Variants in SV2A observed in about 807,000 individuals in gnomAD.
SV2A encodes solute carrier family 22 member B1.
In SV2A, 25 loss-of-function variants were observed where a neutral mutation model predicts 78.0. That is an observed-to-expected ratio of 0.32 (90% CI 0.23 to 0.45). The LOEUF (loss-of-function observed/expected upper bound fraction) is 0.45, where lower values mean the gene tolerates loss of function less well. SV2A is among the 20% of genes least tolerant of loss of function. The pLI is 1.00. For synonymous variants in SV2A, 355 were observed against 384.7 expected, an observed-to-expected ratio of 0.92 and a Z score of 0.90; for missense variants, 752 against 971.5, an observed-to-expected ratio of 0.77 and a Z score of 3.00.
chr1:149,905,271 A>C (rs2092429935), intron 12 of SV2A, 74 bp from the exon 13 acceptor site: 2 of 1,395,942 alleles, frequency 1.4e-6, no homozygotes, highest in Non-Finnish European at 2.0e-6. Flanking sequence ...AGGGCAGGGA[A>C]GTGAAGTCCA....
chr1:149,909,109 T>C (rs1553763265), intron 8 of SV2A, 83 bp downstream of exon 8: 1 of 1,369,788 alleles, frequency 7.3e-7, no homozygotes, highest in East Asian at 2.3e-5. Flanking sequence ...GCTTGTCCCC[T>C]GCATCTCCAT....
In SV2A at chr1:149,910,516, T is replaced by G. The variant is rs1370569398; in HGVS notation, c.1089+54A>C. The G allele has an allele frequency of 1.3e-6, 2 of 1,513,082 alleles. No individual in the cohort carries two copies. The highest frequency in any genetic ancestry group is 1.4e-5 in the African/African-American group (1 of 71,654). The allele number at this position is 1,513,082 out of a possible 1,614,324, so 93.7% of individuals were successfully genotyped here. A position where few individuals can be genotyped will look rare whatever the true frequency, so the allele number is the denominator to read the frequency against. Reference sequence around the variant, plus strand: ...TTGAACACAGAAGCCCCTGCTGCCGTCCACACTCCACAGCCCGCACCCCAC... The same window carrying G: ...TTGAACACAGAAGCCCCTGCTGCCGGCCACACTCCACAGCCCGCACCCCAC... On this transcript the variant is annotated intron_variant, in intron 5 of 12. Transcript: ENST00000369146. This position sits in a 1 kb window ranked among gnomAD's most constrained non-coding sequence, Gnocchi z 4.2.
rs782279997 is a variant in SV2A at position 149,913,468 on chromosome 1, C to T, written c.373G>A (p.Gly125Ser). 10 of 1,613,388 alleles carry T rather than the reference C, an allele frequency of 6.2e-6. No homozygotes were observed. Among genetic ancestry groups the T allele is most frequent in the Non-Finnish European group, 8.5e-6 (10 of 1,179,800 alleles). ...GGGGGACCCTCCCCATCACTCAAGC[C>T]CCCCCTTACTCCAGCCAGGGGCGCC... ...DGAPLAGVRG[G>S]LSDGEGPPGG... Residue 125 changes from glycine (G) to serine (S), a missense_variant, in exon 2 of 13, where the codon GGC (glycine) becomes AGC (serine). Coordinates refer to ENST00000369146, the MANE Select transcript of SV2A (RefSeq NM_014849.5).
intron 8 of SV2A, among the ~76,000 whole-genome samples, chr1:149,908,508 C>T (rs1433100953): frequency 6.6e-6 from 1 of 152,164 alleles, no homozygotes; most frequent in Non-Finnish European, 1.5e-5. Flanking sequence ...CCAGCCACCC[C>T]CACTCCACCT....
In SV2A at chr1:149,910,812, C is replaced by T. The variant is rs201033977; in HGVS notation, c.955+14G>A. The stretch of plus-strand genomic sequence containing the variant: ...AGGGAGATAACCTGGGGTGGATTTC[C>T]GGGGGCTGCTCACCATAGTGGGGGA... On this transcript the variant is annotated intron_variant, in intron 4 of 12. Coordinates refer to ENST00000369146, the MANE Select transcript of SV2A (RefSeq NM_014849.5). This position sits in a 1 kb window ranked among gnomAD's most constrained non-coding sequence, Gnocchi z 4.2. The T allele has an allele frequency of 1.1e-4, 170 of 1,612,902 alleles. 2 individuals carry two copies. The East Asian group carries it at 3.5e-3, about 33-fold the overall frequency.
Position 149,906,020 on chromosome 1 carries a change from G to T in SV2A, c.1905C>A (p.Ser635=). 1 of 1,614,172 alleles carries T rather than the reference G, an allele frequency of 6.2e-7. No homozygotes were observed. The highest frequency in any genetic ancestry group is 1.1e-5 in the South Asian group (1 of 91,082). Reference sequence around the variant, plus strand: ...AAGACAGGAAGAAGCAGGAGACACAGGACATCACGCTGGAGCCAGCTGGAG... The same window carrying T: ...AAGACAGGAAGAAGCAGGAGACACATGACATCACGCTGGAGCCAGCTGGAG... The part of the protein sequence containing the change: ...LRMLAGSSVM[S]CVSCFFLSFG... Residue 635 remains serine, a synonymous_variant, in exon 12 of 13, where the codon TCC becomes TCA. Transcript: ENST00000369146.
At chr1:149,911,701 G>A (rs1553763790) in intron 3 of SV2A, 99 bp downstream of exon 3, 1 of 1,209,886 alleles carries the variant, frequency 8.3e-7, no homozygotes, top group Non-Finnish European at 1.2e-6. Flanking sequence ...ACAGATTTAA[G>A]GTGCATTTGG....
intron 2 of SV2A, 99 bp downstream of exon 2, chr1:149,913,120 G>C: frequency 1.4e-6 from 2 of 1,464,930 alleles, no homozygotes; most frequent in Admixed American, 2.1e-5. Flanking sequence ...CTTGGGTGCA[G>C]GGTCCTAGGG....
chr1:149,911,658 G>A, intron 3 of SV2A, 142 bp downstream of exon 3: 4 of 863,846 alleles, frequency 4.6e-6, no homozygotes, highest in Non-Finnish European at 5.3e-6. Flanking sequence ...GATGGCTGGG[G>A]GAGAAAGGAA....
Position 149,909,866 on chromosome 1 carries a change from T to C in SV2A, c.1114A>G (p.Met372Val), listed in dbSNP as rs1553763444. The change falls in exon 6 of 13, where the codon ATG becomes GTG. Residue 372 changes from methionine (M) to valine (V), a missense_variant. Physicochemically the swap from Met to Val is conservative, Grantham distance 21. Transcript: ENST00000369146. ...LENGKHDEAW[M>V]VLKQVHDTNM... is the part of the protein sequence containing the mutation. ...GTATCATGGACCTGCTTCAGCACCA[T>C]CCAGGCCTCATCATGCTTTCCATTC... is the stretch of plus-strand genomic sequence containing the variant. 6.2e-7 allele frequency: 1 copy of C among 1,614,048 alleles called. No homozygotes were observed. The highest frequency in any genetic ancestry group is 2.2e-5 in the East Asian group (1 of 44,868).
In SV2A at chr1:149,913,647, T is replaced by C. The variant is rs2092491661; in HGVS notation, c.194A>G (p.Tyr65Cys). Residue 65 changes from tyrosine (Y) to cysteine (C), a missense_variant, in exon 2 of 13, where the codon TAT (tyrosine) becomes TGT (cysteine). By Grantham distance (194) the Tyr-to-Cys change is radical. Transcript: ENST00000369146. ...DDDFPAPSDG[Y>C]YRGEGTQDEE... ...ATCCTGGGTCCCTTCTCCTCGGTAA[T>C]AACCATCACTGGGAGCAGGGAAGTC... 1 of 1,614,008 alleles carries C rather than the reference T, an allele frequency of 6.2e-7. No homozygotes were observed. The highest frequency in any genetic ancestry group is 1.7e-5 in the Admixed American group (1 of 60,010).
Position 149,909,787 on chromosome 1 carries a change from G to C in SV2A, c.1179+14C>G, listed in dbSNP as rs782775615. 3.1e-6 allele frequency: 5 copies of C among 1,613,228 alleles called. No homozygotes were observed. The South Asian group carries it at 5.5e-5, about 18-fold the overall frequency. On this transcript the variant is annotated intron_variant, in intron 6 of 12. Transcript: ENST00000369146. ...CAGGGCGTGGAGGTCTGAGTCGGGA[G>C]GGCTGTGGCTTACTGAGAACACTCG...
chr1:149,913,828 A>C lies in SV2A; in HGVS notation c.13T>G (p.Phe5Val). 1 of 1,608,392 alleles carries C rather than the reference A, an allele frequency of 6.2e-7. No homozygotes were observed. Among genetic ancestry groups the C allele is most frequent in the Non-Finnish European group, 8.5e-7 (1 of 1,176,076 alleles). Reference protein sequence around the residue: MEEGFRDRAAFIRGA... With the variant: MEEGVRDRAAFIRGA... ...CGGATGAAAGCTGCCCGGTCTCGGA[A>C]GCCCTCTTCCATGATGGGGCTTGGG... The change falls in exon 2 of 13, where the codon TTC (phenylalanine) becomes GTC (valine). Residue 5 changes from phenylalanine to valine, a missense_variant. Phe to Val is a conservative substitution (Grantham distance 50). Transcript: ENST00000369146.
At chr1:149,908,767 A>G (rs1489334076) in intron 8 of SV2A, among the ~76,000 whole-genome samples, 1 of 152,074 alleles carries the variant, frequency 6.6e-6, no homozygotes, top group Non-Finnish European at 1.5e-5. Flanking sequence ...CCTCCAGAGT[A>G]GCTGGGACTA....
Position 149,914,083 on chromosome 1 carries a change from A to T in SV2A, c.-243T>A. On this transcript the variant is annotated 5_prime_UTR_variant, in exon 2 of 13. Transcript: ENST00000369146. ...TCAGTTGGGTGGATGGGGAAGGGAC[A>T]GGGGGAGCAGGGGAATGGGAAGGGG... The T allele has an allele frequency of 5.2e-5, 20 of 382,712 alleles. No individual in the cohort carries two copies. Among genetic ancestry groups the T allele is most frequent in the African/African-American group, 6.1e-5 (3 of 48,954 alleles). The allele number at this position is 382,712 out of a possible 1,614,324, so 23.7% of individuals were successfully genotyped here. A position where few individuals can be genotyped will look rare whatever the true frequency, so the allele number is the denominator to read the frequency against.
Position 149,907,682 on chromosome 1 carries a change from C to T in SV2A, c.1678+18G>A, listed in dbSNP as rs368685987. On this transcript the variant is annotated intron_variant, in intron 10 of 12. Coordinates refer to ENST00000369146, the MANE Select transcript of SV2A (RefSeq NM_014849.5). The stretch of plus-strand genomic sequence containing the variant: ...ACCCAACCCTTTGGTCTGACACCCA[C>T]CAGCCACCCCGCCTTACCAGTGTTA... 4.3e-6 allele frequency: 7 copies of T among 1,610,038 alleles called. No individual in the cohort carries two copies. The highest frequency in any genetic ancestry group is 5.9e-6 in the Non-Finnish European group (7 of 1,177,728).
At chr1:149,908,885 GTCC>G (rs1278600226) in intron 8 of SV2A, among the ~76,000 whole-genome samples, 1 of 152,022 alleles carries the variant, frequency 6.6e-6, no homozygotes, top group African/African-American at 2.4e-5. Flanking sequence ...CGCCCGCCTC[GTCC>G]TCCCAAAGTG....
Position 149,913,935 on chromosome 1 carries a change from C to T in SV2A, c.-95G>A, listed in dbSNP as rs41264628. The T allele has an allele frequency of 7.9e-3, 11,878 of 1,502,774 alleles. 90 individuals are homozygous for T. Among genetic ancestry groups the T allele is most frequent in the South Asian group, 0.011 (803 of 73,816 alleles). 93.1% of individuals were successfully genotyped at this position (1,502,774 alleles called of 1,614,324 possible). A position where few individuals can be genotyped will look rare whatever the true frequency, so the allele number is the denominator to read the frequency against. On this transcript the variant is annotated 5_prime_UTR_variant, in exon 2 of 13. Coordinates refer to ENST00000369146, the MANE Select transcript of SV2A (RefSeq NM_014849.5). ...CTTGTAGAGTCAAAAAGACCCCTCC[C>T]CACAGTTACTTAGATGAAGCGTGTT...
chr1:149,905,757 T>C (rs2092433523), intron 12 of SV2A, 123 bp downstream of exon 12: 4 of 1,379,214 alleles, frequency 2.9e-6, no homozygotes, highest in Admixed American at 4.0e-5. Context: ...CTACCAGATT[T>C]TAGAGGAGAA....
Sources: allele counts gnomAD v4.1 joint callset (sites outside exome capture counted in the v4.1 genomes callset), GRCh38; gene constraint gnomAD v4.1.1; non-coding constraint Gnocchi (gnomAD v3.1); transcripts MANE v1.5; gene names NCBI Gene and HGNC (gene_info 2026-07-23, HGNC 2026-07-21).